The following PPP2R5C variants were observed in gnomAD, a reference collection of about 807,000 sequenced individuals.
The protein encoded by PPP2R5C is protein phosphatase 2 regulatory subunit B'gamma.
PPP2R5C carries 7 observed loss-of-function variants against 68.9 expected under a neutral mutation model. The ratio of observed to expected loss-of-function variants is 0.10; its 90% CI spans 0.06 to 0.19. The LOEUF (loss-of-function observed/expected upper bound fraction) is 0.19, where lower values mean the gene tolerates loss of function less well. PPP2R5C is among the 10% of genes least tolerant of loss of function. The probability of loss-of-function intolerance (pLI) is 1.00; values close to 1 mark genes in which losing one functional copy is unlikely to be tolerated. For missense variants in PPP2R5C, 348 were observed against 641.3 expected, an observed-to-expected ratio of 0.54 and a Z score of 4.94; for synonymous variants, 210 against 222.2, an observed-to-expected ratio of 0.95 and a Z score of 0.49.
At chr14:101,867,694 C>T (rs1006087086) in intron 2 of PPP2R5C, among the ~76,000 whole-genome samples, 2 of 151,978 alleles carry the variant, frequency 1.3e-5, no homozygotes, top group Non-Finnish European at 2.9e-5. Flanking sequence ...AGAAGGATTG[C>T]TGGAACCCTG....
At chr14:101,856,637 T>C (rs777937732) in intron 1 of PPP2R5C, 49 bp from the exon 4 acceptor site, 2 of 1,501,196 alleles carry the variant, frequency 1.3e-6, no homozygotes, top group South Asian at 1.1e-5. Flanking sequence ...CACAATAACT[T>C]TGGGTTAAGC....
intron 1 of PPP2R5C, among the ~76,000 whole-genome samples, chr14:101,811,289 G>A (rs1034784543): frequency 4.6e-5 from 7 of 152,198 alleles, no homozygotes; most frequent in African/African-American, 1.7e-4. Flanking sequence ...TTAGCTGCAA[G>A]AACCAAATGG....
At chr14:101,878,687 G>A (rs575293937) in intron 2 of PPP2R5C, among the ~76,000 whole-genome samples, 5 of 152,192 alleles carry the variant, frequency 3.3e-5, no homozygotes, top group East Asian at 3.9e-4. Context: ...ACTGCAGGCC[G>A]CAGGTGGACT....
intron 2 of PPP2R5C, among the ~76,000 whole-genome samples, chr14:101,767,777 G>C (rs1209108290): frequency 3.9e-5 from 6 of 152,210 alleles, no homozygotes; most frequent in Non-Finnish European, 4.4e-5. Flanking sequence ...AAGAGGTTCT[G>C]CGGGGAGGAT....
Position 101,825,973 on chromosome 14 carries a change from G to C in PPP2R5C, c.94+15937G>C, listed in dbSNP as rs952807036. Among the ~76,000 whole-genome samples, 14 of 152,306 alleles carry C rather than the reference G, an allele frequency of 9.2e-5. No homozygotes were observed. Among genetic ancestry groups the C allele is most frequent in the African/African-American group, 2.2e-4 (9 of 41,560 alleles). On this transcript the variant is annotated intron_variant, in intron 1 of 13. Coordinates refer to ENST00000334743, the Ensembl canonical transcript of PPP2R5C. This position sits in a 1 kb window ranked among gnomAD's most constrained non-coding sequence, Gnocchi z 4.0. ...AACTGACCAAGGATCGGTGAGAATA[G>C]GAGGTGGCCCAGAGGGCATGGTCAG...
chr14:101,851,921 A>C (rs2042176157), intron 1 of PPP2R5C, among the ~76,000 whole-genome samples: 1 of 152,164 alleles, frequency 6.6e-6, no homozygotes, highest in Admixed American at 6.5e-5. Flanking sequence ...TTGGTGGCTA[A>C]GCATGTATGT....
chr14:101,904,528 T>G (rs935688154), intron 9 of PPP2R5C, among the ~76,000 whole-genome samples: 3 of 152,210 alleles, frequency 2.0e-5, no homozygotes, highest in Non-Finnish European at 4.4e-5. Context: ...CGATTGTGCC[T>G]TGTTTTGAAT....
intron 11 of PPP2R5C, among the ~76,000 whole-genome samples, chr14:101,911,101 T>A (rs1419366785): frequency 3.3e-5 from 4 of 121,070 alleles, no homozygotes; most frequent in Non-Finnish European, 4.9e-5. Flanking sequence ...AGACTCCGTC[T>A]CAAAAAAAAA....
At chr14:101,907,332 G>C (rs1177072887) in intron 10 of PPP2R5C, among the ~76,000 whole-genome samples, 2 of 151,848 alleles carry the variant, frequency 1.3e-5, no homozygotes, top group Admixed American at 6.6e-5. Flanking sequence ...CGCTACGCCT[G>C]GCTAATTTTT....
At chr14:101,881,114 C>T (rs1269943736) in intron 2 of PPP2R5C, among the ~76,000 whole-genome samples, 3 of 151,948 alleles carry the variant, frequency 2.0e-5, no homozygotes, top group African/African-American at 7.3e-5. Context: ...GAGGGTTGGG[C>T]ATGGTGACTC....
chr14:101,819,076 CA>C (rs1303209859), intron 1 of PPP2R5C: 1 of 1,549,376 alleles, frequency 6.5e-7, no homozygotes, highest in Non-Finnish European at 8.7e-7. Context: ...TGGTGGGCTT[CA>C]AGGAAGAGGT....
At chr14:101,876,528 G>A (rs2043792117) in intron 2 of PPP2R5C, among the ~76,000 whole-genome samples, 1 of 152,082 alleles carries the variant, frequency 6.6e-6, no homozygotes, top group African/African-American at 2.4e-5. Flanking sequence ...AACACATACA[G>A]AAAGGCTGCA....
intron 2 of PPP2R5C, among the ~76,000 whole-genome samples, chr14:101,770,372 G>T (rs1220453451): frequency 2.0e-5 from 3 of 152,180 alleles, no homozygotes; most frequent in Non-Finnish European, 4.4e-5. Context: ...CATCATTTTT[G>T]AAGTGTAGCA....
chr14:101,792,343 G>T (rs2038397557), intron 3 of PPP2R5C, among the ~76,000 whole-genome samples: 1 of 152,100 alleles, frequency 6.6e-6, no homozygotes, highest in African/African-American at 2.4e-5. Context: ...TGTATATTTT[G>T]GCATCCTACC....
chr14:101,808,021 T>C (rs2039142164), upstream of PPP2R5C, among the ~76,000 whole-genome samples: 1 of 150,852 alleles, frequency 6.6e-6, no homozygotes, highest in Non-Finnish European at 1.5e-5. Context: ...AAGCATCTGC[T>C]CCTGGGCTCC....
intron 3 of PPP2R5C, among the ~76,000 whole-genome samples, chr14:101,799,951 A>G (rs910578899): frequency 2.6e-5 from 4 of 152,216 alleles, no homozygotes; most frequent in African/African-American, 7.2e-5. Context: ...GACTTAATCT[A>G]TATCTCTTTT....
intron 1 of PPP2R5C, among the ~76,000 whole-genome samples, chr14:101,850,319 T>C (rs2042081650): frequency 6.6e-6 from 1 of 152,196 alleles, no homozygotes. Context: ...TCAAAAACCA[T>C]TTTTTCTGTA....
chr14:101,824,283 G>T lies in PPP2R5C; in HGVS notation c.94+14247G>T, dbSNP rs184238543. On this transcript the variant is annotated intron_variant, in intron 1 of 13. Coordinates refer to ENST00000334743, the Ensembl canonical transcript of PPP2R5C. The stretch of plus-strand genomic sequence containing the variant: ...TGATATAGCATGAAGTTCTTGCGGG[G>T]TAGGAGAGAGAGGTATTCATCTGAA... 15 of 942,472 alleles carry T rather than the reference G, an allele frequency of 1.6e-5. No homozygotes were observed. The East Asian group carries it at 8.8e-4, about 55-fold the overall frequency. The allele number at this position is 942,472 out of a possible 1,614,324, so 58.4% of individuals were successfully genotyped here.
intron 2 of PPP2R5C, among the ~76,000 whole-genome samples, chr14:101,776,552 G>A (rs949271196): frequency 3.9e-5 from 6 of 152,230 alleles, no homozygotes; most frequent in African/African-American, 1.4e-4. Context: ...AAGCGTGTGT[G>A]TCTCCCTGTC....
Sources: allele counts gnomAD v4.1 joint callset (sites outside exome capture counted in the v4.1 genomes callset), GRCh38; gene constraint gnomAD v4.1.1; non-coding constraint Gnocchi (gnomAD v3.1); transcripts MANE v1.5; gene names NCBI Gene and HGNC (gene_info 2026-07-23, HGNC 2026-07-21).